The following RANBP2 variants were observed in gnomAD, a reference collection of about 807,000 sequenced individuals.
The protein encoded by RANBP2 is RAN binding protein 2.
A neutral mutation model predicts 303.6 loss-of-function variants in RANBP2; 57 were observed. That is an observed-to-expected ratio of 0.19 (90% CI 0.15 to 0.23). The LOEUF is 0.23. RANBP2 is among the 10% of genes least tolerant of loss of function. The pLI is 1.00. For synonymous variants in RANBP2, 1,167 were observed against 1,301.5 expected (o/e 0.90, Z 2.23); for missense variants, 3,138 against 3,780.8 (o/e 0.83, Z 4.46).
At chr2:109,318,712 G>A in the RANBP2 span, among the ~76,000 whole-genome samples, 1 of 152,170 alleles carries the variant, frequency 6.6e-6, no homozygotes, top group Non-Finnish European at 1.5e-5. Context: ...AGAATCCGGG[G>A]CTGCCCTGGC....
chr2:109,558,742 C>T, the RANBP2 span, among the ~76,000 whole-genome samples: 1 of 152,142 alleles, frequency 6.6e-6, no homozygotes, highest in Non-Finnish European at 1.5e-5. Context: ...CCAGGAAGTA[C>T]AGTCACATAA....
At chr2:109,030,081 C>A in the RANBP2 span, among the ~76,000 whole-genome samples, 48 of 152,180 alleles carry the variant, frequency 3.2e-4, 1 homozygote, top group Non-Finnish European at 1.6e-4. Flanking sequence ...AGAAAGAATT[C>A]TTTGACTCTA....
At chr2:109,446,672 C>T in the RANBP2 span, among the ~76,000 whole-genome samples, 3 of 152,160 alleles carry the variant, frequency 2.0e-5, no homozygotes, top group Non-Finnish European at 2.9e-5. Context: ...CTGAGGTGAC[C>T]AGGAGCCAGT....
chr2:108,955,503 T>C, the RANBP2 span, among the ~76,000 whole-genome samples: 1 of 152,168 alleles, frequency 6.6e-6, no homozygotes, highest in Non-Finnish European at 1.5e-5. Flanking sequence ...ATCCTAGCAC[T>C]CTGGGAGGCC....
the RANBP2 span, among the ~76,000 whole-genome samples, chr2:109,002,465 A>G: frequency 2.0e-5 from 3 of 152,028 alleles, no homozygotes; most frequent in East Asian, 5.8e-4. Flanking sequence ...TGGCCTTTCT[A>G]TGATGTTTTT....
chr2:109,694,123 G>A, the RANBP2 span, among the ~76,000 whole-genome samples: 1 of 152,156 alleles, frequency 6.6e-6, no homozygotes, highest in African/African-American at 2.4e-5. Flanking sequence ...CAATGTTGGA[G>A]GTGGGGCCTG....
the RANBP2 span, among the ~76,000 whole-genome samples, chr2:108,792,828 G>A: frequency 6.6e-6 from 1 of 152,172 alleles, no homozygotes; most frequent in Non-Finnish European, 1.5e-5. Flanking sequence ...ACTTTGGGAG[G>A]CCGAGGCGGG....
At chr2:108,897,617 A>T in the RANBP2 span, among the ~76,000 whole-genome samples, 1 of 152,194 alleles carries the variant, frequency 6.6e-6, no homozygotes, top group South Asian at 2.1e-4. Context: ...GGACAGTGTC[A>T]TGTCTCTTTA....
the RANBP2 span, among the ~76,000 whole-genome samples, chr2:109,298,017 G>A: frequency 6.6e-6 from 1 of 152,200 alleles, no homozygotes; most frequent in South Asian, 2.1e-4. Context: ...TGACAGCTGA[G>A]GCTGGTGTGT....
chr2:109,040,944 T>A, the RANBP2 span, among the ~76,000 whole-genome samples: 2 of 152,120 alleles, frequency 1.3e-5, no homozygotes, highest in South Asian at 2.1e-4. Flanking sequence ...TAGTCCCAGC[T>A]ACTCGGGAGG....
the RANBP2 span, among the ~76,000 whole-genome samples, chr2:108,992,709 C>T: frequency 6.6e-6 from 1 of 152,156 alleles, no homozygotes; most frequent in Non-Finnish European, 1.5e-5. Context: ...CATGGTGACA[C>T]CCACTAAGTT....
the RANBP2 span, among the ~76,000 whole-genome samples, chr2:109,532,989 A>G: frequency 6.6e-6 from 1 of 152,162 alleles, no homozygotes; most frequent in African/African-American, 2.4e-5. Context: ...TACAGCAGTG[A>G]ACAAGGCAGA....
the RANBP2 span, among the ~76,000 whole-genome samples, chr2:109,273,256 G>A: frequency 6.6e-6 from 1 of 152,228 alleles, no homozygotes; most frequent in Non-Finnish European, 1.5e-5. Context: ...GGCTGGGAAG[G>A]CACATGTGTT....
chr2:109,518,904 G>A, the RANBP2 span, among the ~76,000 whole-genome samples: 1 of 147,328 alleles, frequency 6.8e-6, no homozygotes, highest in African/African-American at 2.6e-5. Context: ...GGTGGGGAAG[G>A]TGCTACATAT....
the RANBP2 span, among the ~76,000 whole-genome samples, chr2:109,306,889 G>A: frequency 2.6e-5 from 4 of 152,220 alleles, no homozygotes; most frequent in African/African-American, 7.2e-5. Flanking sequence ...ACGGGTGTGC[G>A]GTGTACGGTA....
intron 14 of RANBP2, 67 bp from the exon 15 acceptor site, chr2:108,753,758 G>A: frequency 2.5e-6 from 4 of 1,611,164 alleles, no homozygotes; most frequent in Non-Finnish European, 3.4e-6. Flanking sequence ...GAGCCACCAT[G>A]CGTGGCCAAG....
chr2:109,314,736 C>T, the RANBP2 span, among the ~76,000 whole-genome samples: 47,470 of 152,074 alleles, frequency 0.31, 9,189 homozygotes, highest in African/African-American at 0.55. Context: ...TAATATCCAC[C>T]AGCCAATTTC....
At chr2:108,783,400 G>C (rs1364146331) in intron 28 of RANBP2, among the ~76,000 whole-genome samples, 196 bp from the exon 29 acceptor site, 6 of 148,824 alleles carry the variant, frequency 4.0e-5, no homozygotes, top group Non-Finnish European at 7.4e-5. Flanking sequence ...AGAAACTAAG[G>C]GATGGGAAAA....
chr2:109,406,922 C>T, the RANBP2 span, among the ~76,000 whole-genome samples: 4 of 152,198 alleles, frequency 2.6e-5, no homozygotes, highest in Non-Finnish European at 4.4e-5. Context: ...GGAGAACCGT[C>T]CCCAGGTGCC....
Sources: gnomAD v4.1 joint callset for allele counts (sites outside exome capture counted in the v4.1 genomes callset) on GRCh38, gnomAD v4.1.1 for gene constraint, MANE v1.5 for transcripts, NCBI Gene and HGNC (gene_info 2026-07-23, HGNC 2026-07-21) for gene names.